Variants in DLGAP2 observed in about 807,000 individuals in gnomAD.
DLGAP2 encodes the protein disks large-associated protein 2.
In DLGAP2, 26 loss-of-function variants were observed where a neutral mutation model predicts 100.3. The ratio of observed to expected loss-of-function variants is 0.26; its 90% confidence interval spans 0.19 to 0.36. DLGAP2 has a LOEUF of 0.36. Ranked by LOEUF, DLGAP2 falls within the 10% of genes least tolerant of loss-of-function variation. The pLI, the probability that DLGAP2 is intolerant of heterozygous loss-of-function variation, is 1.00. For synonymous variants in DLGAP2, 886 were observed against 630.1 expected (o/e 1.41, Z -6.08); for missense variants, 1,858 against 1,453.2 (o/e 1.28, Z -4.53).
At chr8:1,217,383 G>A (rs1363022986) in intron 2 of DLGAP2, among the ~76,000 whole-genome samples, 2 of 152,030 alleles carry the variant, frequency 1.3e-5, no homozygotes, top group South Asian at 2.1e-4. Context: ...TTGATTCCAT[G>A]TCTTTGCTAT....
At chr8:811,064 C>T (rs564515669) in intron 1 of DLGAP2, among the ~76,000 whole-genome samples, 1 of 152,200 alleles carries the variant, frequency 6.6e-6, no homozygotes, top group Non-Finnish European at 1.5e-5. Flanking sequence ...CTTTCTTGGT[C>T]GTGACCCTGA....
chr8:1,276,123 T>A (rs1799689294), intron 3 of DLGAP2, among the ~76,000 whole-genome samples: 1 of 144,782 alleles, frequency 6.9e-6, no homozygotes, highest in Non-Finnish European at 1.5e-5. Flanking sequence ...ATAATATATA[T>A]AAATGTATAT....
chr8:1,616,493 C>G (rs1044273571), intron 6 of DLGAP2, among the ~76,000 whole-genome samples: 2 of 152,028 alleles, frequency 1.3e-5, no homozygotes, highest in African/African-American at 4.8e-5. Context: ...GTAAAGCAAC[C>G]AAGGAAGGGG....
At chr8:1,544,177 A>G (rs1387493121) in intron 4 of DLGAP2, among the ~76,000 whole-genome samples, 1 of 152,188 alleles carries the variant, frequency 6.6e-6, no homozygotes, top group East Asian at 1.9e-4. Flanking sequence ...TGCTGGGATT[A>G]CAGGTGTGAG....
intron 2 of DLGAP2, among the ~76,000 whole-genome samples, chr8:1,172,485 A>G (rs908440909): frequency 6.6e-6 from 1 of 152,186 alleles, no homozygotes; most frequent in Admixed American, 6.5e-5. Flanking sequence ...GTGTTTTCCA[A>G]CTTGGTTCTG....
chr8:958,603 A>C (rs1187111843), intron 2 of DLGAP2, among the ~76,000 whole-genome samples: 1 of 150,532 alleles, frequency 6.6e-6, no homozygotes, highest in Non-Finnish European at 1.5e-5. Context: ...AAAAAAAAAA[A>C]ACTTTTCCCG....
chr8:901,513 G>A (rs1798250671), intron 1 of DLGAP2, among the ~76,000 whole-genome samples: 1 of 152,222 alleles, frequency 6.6e-6, no homozygotes, highest in South Asian at 2.1e-4. Flanking sequence ...CAGAGGCAGG[G>A]GCGCAGGCGG....
At chr8:984,073 G>A (rs1800418600) in intron 2 of DLGAP2, among the ~76,000 whole-genome samples, 1 of 152,200 alleles carries the variant, frequency 6.6e-6, no homozygotes, top group Non-Finnish European at 1.5e-5. Context: ...TGTCTCATGT[G>A]TAGCTTTTGG....
chr8:1,088,954 G>A (rs1344865833), intron 2 of DLGAP2, among the ~76,000 whole-genome samples: 10 of 103,888 alleles, frequency 9.6e-5, no homozygotes, highest in Non-Finnish European at 1.7e-4. Flanking sequence ...CTCGCTCCCC[G>A]GCCTCACTCT....
chr8:1,563,689 C>T (rs1380970858), intron 5 of DLGAP2, among the ~76,000 whole-genome samples: 1 of 152,080 alleles, frequency 6.6e-6, no homozygotes, highest in Non-Finnish European at 1.5e-5. Flanking sequence ...CTCTCCCTCT[C>T]CCTTGGCTCC....
At chr8:1,585,152 T>A (rs1796076842) in intron 6 of DLGAP2, among the ~76,000 whole-genome samples, 1 of 152,178 alleles carries the variant, frequency 6.6e-6, no homozygotes, top group Non-Finnish European at 1.5e-5. Context: ...CTCCTAAGAC[T>A]GGCGCCTGGT....
intron 2 of DLGAP2, among the ~76,000 whole-genome samples, chr8:1,161,976 T>A (rs1460590273): frequency 6.6e-6 from 1 of 152,222 alleles, no homozygotes; most frequent in Non-Finnish European, 1.5e-5. Flanking sequence ...CCTGAGGGCC[T>A]TCCTGCTAGA....
chr8:986,261 G>A (rs1466371745), intron 2 of DLGAP2, among the ~76,000 whole-genome samples: 1 of 152,164 alleles, frequency 6.6e-6, no homozygotes, highest in East Asian at 1.9e-4. Context: ...AGCCTGTTGA[G>A]CTGCATGGCT....
chr8:759,239 C>T (rs188119723), intron 1 of DLGAP2, among the ~76,000 whole-genome samples: 45 of 145,542 alleles, frequency 3.1e-4, no homozygotes, highest in Admixed American at 1.1e-3. Flanking sequence ...TATCAATACC[C>T]GCAACAGCCT....
intron 3 of DLGAP2, among the ~76,000 whole-genome samples, chr8:1,474,132 A>G (rs1490033732): frequency 6.6e-6 from 1 of 152,074 alleles, no homozygotes; most frequent in Non-Finnish European, 1.5e-5. Flanking sequence ...AACATTCAAT[A>G]TTTGGCTTTC....
At chr8:1,343,032 T>G (rs1801454523) in intron 3 of DLGAP2, among the ~76,000 whole-genome samples, 1 of 152,200 alleles carries the variant, frequency 6.6e-6, no homozygotes, top group Admixed American at 6.5e-5. Flanking sequence ...CTTGCCACAT[T>G]AATTTCTGTA....
chr8:1,487,493 G>C (rs1177698892), intron 3 of DLGAP2, among the ~76,000 whole-genome samples: 3 of 152,188 alleles, frequency 2.0e-5, no homozygotes, highest in African/African-American at 7.2e-5. Context: ...GTAATTGATT[G>C]AGTTGATTCC....
At chr8:1,087,119 T>C (rs1217716349) in intron 2 of DLGAP2, among the ~76,000 whole-genome samples, 1 of 152,078 alleles carries the variant, frequency 6.6e-6, no homozygotes, top group African/African-American at 2.4e-5. Flanking sequence ...AATTCATAAA[T>C]AGATAAAAAA....
intron 2 of DLGAP2, among the ~76,000 whole-genome samples, chr8:1,250,113 T>C (rs1799005017): frequency 6.6e-6 from 1 of 152,206 alleles, no homozygotes; most frequent in Non-Finnish European, 1.5e-5. Flanking sequence ...TCTCCTGACC[T>C]TGTGATCTGC....
Sources: allele counts gnomAD v4.1 joint callset (sites outside exome capture counted in the v4.1 genomes callset), GRCh38; gene constraint gnomAD v4.1.1; transcripts MANE v1.5; gene names NCBI Gene and HGNC (gene_info 2026-07-23, HGNC 2026-07-21).